Variants in DSCAM observed in about 807,000 individuals in gnomAD.
DSCAM encodes the protein cell adhesion molecule DSCAM.
Under a neutral mutation model 217.7 loss-of-function variants are expected in DSCAM, and 47 were observed. The ratio of observed to expected loss-of-function variants is 0.22; its 90% confidence interval spans 0.17 to 0.28. The LOEUF (loss-of-function observed/expected upper bound fraction) is 0.28, where lower values mean the gene tolerates loss of function less well. DSCAM is among the 10% of genes least tolerant of loss of function. The pLI, the probability that DSCAM is intolerant of heterozygous loss-of-function variation, is 1.00. For missense variants in DSCAM, 2,080 were observed against 2,618.3 expected (o/e 0.79, Z 4.49); for synonymous variants, 1,056 against 1,015.3 (o/e 1.04, Z -0.76).
At chr21:40,024,310 T>G (rs1164394787) in intron 32 of DSCAM, among the ~76,000 whole-genome samples, 5 of 91,818 alleles carry the variant, frequency 5.4e-5, no homozygotes, top group Non-Finnish European at 9.6e-5. Context: ...GTGTGATGCC[T>G]CCAGCTTTTT....
intron 28 of DSCAM, among the ~76,000 whole-genome samples, chr21:40,057,873 C>CTTTTTTTTTTT (rs71186913): frequency 5.6e-5 from 6 of 107,208 alleles, no homozygotes; most frequent in Admixed American, 1.2e-4. Context: ...TCACTGCAGT[C>CTTTTTTTTTTT]TTTTTTTTTT....
intron 11 of DSCAM, among the ~76,000 whole-genome samples, chr21:40,192,612 A>G (rs564737657): frequency 3.3e-5 from 5 of 152,226 alleles, no homozygotes; most frequent in African/African-American, 1.2e-4. Flanking sequence ...AGAACAGACT[A>G]ACACAATACC....
At chr21:40,212,474 G>A (rs368777144) in intron 11 of DSCAM, 2 of 154,198 alleles carry the variant, frequency 1.3e-5, no homozygotes, top group Non-Finnish European at 1.5e-5. Flanking sequence ...GTTGTCGCTT[G>A]GACAGTACAT....
intron 15 of DSCAM, among the ~76,000 whole-genome samples, chr21:40,170,722 A>C (rs1180143215): frequency 1.3e-5 from 2 of 152,152 alleles, no homozygotes; most frequent in Non-Finnish European, 2.9e-5. Context: ...TTCCATAAAA[A>C]TCCTTGAAAA....
chr21:40,114,483 C>T (rs2146645015), intron 20 of DSCAM, among the ~76,000 whole-genome samples: 1 of 151,284 alleles, frequency 6.6e-6, no homozygotes, highest in Admixed American at 6.6e-5. Flanking sequence ...TAGGCAATAC[C>T]ATTCAGGACA....
At chr21:40,380,508 T>C (rs978710761) in intron 3 of DSCAM, among the ~76,000 whole-genome samples, 1 of 152,098 alleles carries the variant, frequency 6.6e-6, no homozygotes, top group African/African-American at 2.4e-5. Flanking sequence ...ATAAATCCAC[T>C]CTCATAAATG....
At chr21:40,080,689 T>C (rs1417520217) in intron 24 of DSCAM, among the ~76,000 whole-genome samples, 1 of 152,202 alleles carries the variant, frequency 6.6e-6, no homozygotes, top group Non-Finnish European at 1.5e-5. Flanking sequence ...AGTGAAGACA[T>C]AGGCTGAAGC....
chr21:40,723,889 A>G (rs1047932577), intron 1 of DSCAM, among the ~76,000 whole-genome samples: 2 of 152,242 alleles, frequency 1.3e-5, no homozygotes, highest in Admixed American at 6.5e-5. Flanking sequence ...TTGCAACAAG[A>G]AGGAAAAAGC....
At chr21:40,597,665 C>T (rs967583175) in intron 3 of DSCAM, among the ~76,000 whole-genome samples, 1 of 151,896 alleles carries the variant, frequency 6.6e-6, no homozygotes, top group Non-Finnish European at 1.5e-5. Context: ...CACCACCACG[C>T]CCAGCTAATT....
intron 3 of DSCAM, among the ~76,000 whole-genome samples, chr21:40,459,736 ATTT>A (rs964974071): frequency 6.6e-6 from 1 of 152,138 alleles, no homozygotes; most frequent in Non-Finnish European, 1.5e-5. Context: ...TATGAAAGAT[ATTT>A]TTTTCTCCAG....
At chr21:40,761,399 CTCTT>C (rs1161474669) in intron 1 of DSCAM, among the ~76,000 whole-genome samples, 1 of 151,898 alleles carries the variant, frequency 6.6e-6, no homozygotes, top group Non-Finnish European at 1.5e-5. Flanking sequence ...CCCGCCCTCC[CTCTT>C]TTTTTCTCTC....
At chr21:40,206,226 T>C (rs370799462) in intron 11 of DSCAM, among the ~76,000 whole-genome samples, 3 of 152,346 alleles carry the variant, frequency 2.0e-5, no homozygotes, top group African/African-American at 2.4e-5. Context: ...GTCACCAGAA[T>C]ACCTTCATCC....
At chr21:40,620,169 A>G (rs2089474028) in intron 3 of DSCAM, among the ~76,000 whole-genome samples, 1 of 135,686 alleles carries the variant, frequency 7.4e-6, no homozygotes, top group South Asian at 2.4e-4. Context: ...AGAAAGAGAG[A>G]GAGAAAGAGA....
chr21:40,080,974 A>C (rs1251403322), intron 24 of DSCAM, among the ~76,000 whole-genome samples: 1 of 151,946 alleles, frequency 6.6e-6, no homozygotes, highest in Non-Finnish European at 1.5e-5. Flanking sequence ...TAGAGCACTC[A>C]CTCCATGCCA....
chr21:40,428,148 C>T (rs1009665049), intron 3 of DSCAM, among the ~76,000 whole-genome samples: 1 of 151,936 alleles, frequency 6.6e-6, no homozygotes, highest in African/African-American at 2.4e-5. Flanking sequence ...CTGTCTTAAC[C>T]CTAATATTTT....
chr21:40,054,582 G>A (rs2088983935), intron 29 of DSCAM, among the ~76,000 whole-genome samples: 1 of 152,200 alleles, frequency 6.6e-6, no homozygotes, highest in Admixed American at 6.5e-5. Flanking sequence ...GGGTTGTCCT[G>A]GGACTCATGC....
intron 1 of DSCAM, among the ~76,000 whole-genome samples, chr21:40,770,799 A>C (rs1301767399): frequency 6.6e-6 from 1 of 152,258 alleles, no homozygotes; most frequent in Non-Finnish European, 1.5e-5. Flanking sequence ...GCTGGTAAGA[A>C]GAACAGAGCT....
chr21:40,054,661 T>C (rs1288309144), intron 29 of DSCAM, among the ~76,000 whole-genome samples: 1 of 152,170 alleles, frequency 6.6e-6, no homozygotes, highest in African/African-American at 2.4e-5. Flanking sequence ...TGCCTCAGGG[T>C]GTTTCCATGG....
chr21:40,369,342 G>T, intron 3 of DSCAM, 97 bp from the exon 4 acceptor site: 2 of 1,275,116 alleles, frequency 1.6e-6, no homozygotes, highest in Non-Finnish European at 2.1e-6. Flanking sequence ...TCCCCCACCT[G>T]AAGAAACTTA....
Sources: gnomAD v4.1 joint callset for allele counts (sites outside exome capture counted in the v4.1 genomes callset) on GRCh38, gnomAD v4.1.1 for gene constraint, MANE v1.5 for transcripts, NCBI Gene and HGNC (gene_info 2026-07-23, HGNC 2026-07-21) for gene names.